Variants in ADGRV1 observed in about 807,000 individuals in gnomAD.
ADGRV1 encodes G-protein coupled receptor 98.
A neutral mutation model predicts 596.2 loss-of-function variants in ADGRV1; 359 were observed. That is an observed-to-expected ratio of 0.60 (90% CI 0.55 to 0.66). The LOEUF is 0.66. Among genes scored for constraint, ADGRV1 ranks in the 30% least tolerant of loss-of-function variants. The pLI, the probability that ADGRV1 is intolerant of heterozygous loss-of-function variation, is 0.00. For missense variants in ADGRV1, 7,274 were observed against 7,575.6 expected (o/e 0.96, Z 1.48); for synonymous variants, 2,681 against 2,679.2 (o/e 1.00, Z -0.02).
chr5:90,646,561 T>A (rs952039348), intron 16 of ADGRV1, among the ~76,000 whole-genome samples: 2 of 152,108 alleles, frequency 1.3e-5, no homozygotes, highest in African/African-American at 4.8e-5. Flanking sequence ...AAATATTAAT[T>A]AAAATTTCTT....
At chr5:90,805,605 G>A in intron 72 of ADGRV1, 147 bp downstream of exon 72, 1 of 619,278 alleles carries the variant, frequency 1.6e-6, no homozygotes, top group South Asian at 5.2e-5. Context: ...GAGTAGTGCA[G>A]GCTGCTTGGT....
In ADGRV1 at chr5:90,818,354, C is replaced by G. The variant is rs1178084385; in HGVS notation, c.16196+2618C>G. On this transcript the variant is annotated intron_variant, in intron 75 of 89. Transcript: ENST00000405460. ...TTTTCTAGATATACAATCATGTCAT[C>G]TGCAAACAGGGACAATTTGACTTCC... Among the ~76,000 whole-genome samples, 51 of 150,840 alleles carry G rather than the reference C, an allele frequency of 3.4e-4. No individual in the cohort carries two copies. In the East Asian group the frequency reaches 8.6e-3, roughly 25 times the overall value.
At chr5:90,770,610 C>T (rs1757588615) in intron 59 of ADGRV1, among the ~76,000 whole-genome samples, 1 of 152,146 alleles carries the variant, frequency 6.6e-6, no homozygotes, top group African/African-American at 2.4e-5. Flanking sequence ...CTCATGCAAC[C>T]AGTCTCTGCC....
At chr5:90,673,817 T>C (rs1030007930) in intron 22 of ADGRV1, among the ~76,000 whole-genome samples, 4 of 152,178 alleles carry the variant, frequency 2.6e-5, no homozygotes, top group African/African-American at 4.8e-5. Flanking sequence ...ATTCAGACTA[T>C]AGCAGCATCC....
At chr5:91,150,265 C>G in intron 88 of ADGRV1, 44 bp downstream of exon 88, 2 of 641,072 alleles carry the variant, frequency 3.1e-6, no homozygotes, top group Non-Finnish European at 4.3e-6. Context: ...CTGTCTCTGT[C>G]TCTCTCTCTC....
chr5:91,147,658 C>T (rs1273766114), intron 87 of ADGRV1, among the ~76,000 whole-genome samples: 1 of 152,170 alleles, frequency 6.6e-6, no homozygotes, highest in Non-Finnish European at 1.5e-5. Flanking sequence ...AATTAAACCT[C>T]TTTTCTTTAT....
chr5:90,771,567 A>C (rs919226113), intron 59 of ADGRV1, among the ~76,000 whole-genome samples: 8 of 152,210 alleles, frequency 5.3e-5, no homozygotes, highest in African/African-American at 1.9e-4. Context: ...TAATATCTAC[A>C]TCATAGGATA....
At chr5:90,859,943 T>A (rs1581349014) in intron 82 of ADGRV1, among the ~76,000 whole-genome samples, 1 of 141,292 alleles carries the variant, frequency 7.1e-6, no homozygotes, top group African/African-American at 2.6e-5. Flanking sequence ...AAAAAAAAAA[T>A]TAGCCAAACA....
intron 87 of ADGRV1, among the ~76,000 whole-genome samples, chr5:91,107,606 G>A (rs1483564106): frequency 6.6e-6 from 1 of 152,110 alleles, no homozygotes; most frequent in Non-Finnish European, 1.5e-5. Flanking sequence ...AGAGGAATGG[G>A]TTCAAAGCAT....
At chr5:91,044,576 AG>A (rs1785632449) in intron 85 of ADGRV1, among the ~76,000 whole-genome samples, 1 of 152,148 alleles carries the variant, frequency 6.6e-6, no homozygotes, top group Admixed American at 6.6e-5. Flanking sequence ...AAATAGCCAA[AG>A]GTTGTTTAAG....
chr5:90,692,260 A>AT (rs200114292), intron 31 of ADGRV1, among the ~76,000 whole-genome samples: 60 of 152,232 alleles, frequency 3.9e-4, no homozygotes, highest in African/African-American at 1.3e-3. Context: ...TATATTTCAG[A>AT]TTTTTTTTAA....
intron 89 of ADGRV1, among the ~76,000 whole-genome samples, chr5:91,162,572 G>A (rs1471231870): frequency 6.6e-6 from 1 of 152,168 alleles, no homozygotes; most frequent in African/African-American, 2.4e-5. Flanking sequence ...AGGAGGAAGT[G>A]TATGAGAAAG....
At chr5:90,883,215 A>G (rs188423427) in intron 83 of ADGRV1, among the ~76,000 whole-genome samples, 539 of 152,282 alleles carry the variant, frequency 3.5e-3, no homozygotes, top group African/African-American at 0.011. Flanking sequence ...TTCATGACAG[A>G]TAATACTAAA....
intron 69 of ADGRV1, 69 bp from the exon 70 acceptor site, chr5:90,790,804 T>C (rs1329485600): frequency 5.9e-6 from 6 of 1,024,292 alleles, no homozygotes; most frequent in African/African-American, 3.2e-5. Flanking sequence ...GAGAAAAACA[T>C]AATTTAAGGG....
chr5:90,845,633 AAAATCACCC>A (rs1326056415), intron 78 of ADGRV1, among the ~76,000 whole-genome samples: 15 of 151,934 alleles, frequency 9.9e-5, no homozygotes, highest in African/African-American at 3.4e-4. Context: ...AATATTTTTT[AAAATCACCC>A]AAATATATCT....
At chr5:91,160,683 AG>A (rs1796868692) in intron 89 of ADGRV1, among the ~76,000 whole-genome samples, 1 of 152,220 alleles carries the variant, frequency 6.6e-6, no homozygotes, top group Admixed American at 6.5e-5. Context: ...TCAGAAAATC[AG>A]GATACTTACT....
At chr5:90,783,398 C>A in intron 66 of ADGRV1, 73 bp downstream of exon 66, 1 of 1,015,950 alleles carries the variant, frequency 9.8e-7, no homozygotes, top group Non-Finnish European at 1.5e-6. Context: ...ATATGTTTTG[C>A]ACTGACAATA....
At chr5:90,899,966 A>C (rs915046653) in intron 83 of ADGRV1, among the ~76,000 whole-genome samples, 1 of 152,186 alleles carries the variant, frequency 6.6e-6, no homozygotes, top group Non-Finnish European at 1.5e-5. Flanking sequence ...TTTGAGAGAA[A>C]TAATTCTTAT....
chr5:91,090,744 T>C (rs1384957476), intron 86 of ADGRV1, among the ~76,000 whole-genome samples: 1 of 151,968 alleles, frequency 6.6e-6, no homozygotes, highest in African/African-American at 2.4e-5. Flanking sequence ...ACTGTGGTTA[T>C]GTTTACTGTT....
Sources: allele counts gnomAD v4.1 joint callset (sites outside exome capture counted in the v4.1 genomes callset), GRCh38; gene constraint gnomAD v4.1.1; transcripts MANE v1.5; gene names NCBI Gene and HGNC (gene_info 2026-07-23, HGNC 2026-07-21).